Variants in RUNX1 observed in about 807,000 individuals in gnomAD.
RUNX1 encodes RUNX family transcription factor 1, also known as runt-related transcription factor 1.
RUNX1 carries 19 observed loss-of-function variants against 42.8 expected under a neutral mutation model. That is an observed-to-expected ratio of 0.44 (90% CI 0.31 to 0.65). The LOEUF (loss-of-function observed/expected upper bound fraction) is 0.65. Among genes scored for constraint, RUNX1 ranks in the 30% least tolerant of loss-of-function variants. The probability of loss-of-function intolerance (pLI) is 0.07; values close to 1 mark genes in which losing one functional copy is unlikely to be tolerated. For synonymous variants in RUNX1, 271 were observed against 289.4 expected (o/e 0.94, Z 0.64); for missense variants, 528 against 672.0 (o/e 0.79, Z 2.37).
At position 34,901,333 on chromosome 21, in the gene RUNX1, A is replaced by C. The variant is rs1458006043; in HGVS notation, c.59-8370T>G. ...GAGACCAGCCCGGCCAACATGGTGA[A>C]ACCCCGTCTCTACTGAAAATAAAAA... is the stretch of plus-strand genomic sequence containing the variant. On this transcript the variant is annotated intron_variant, in intron 2 of 8. Coordinates refer to ENST00000675419, the MANE Select transcript of RUNX1 (RefSeq NM_001754.5). The surrounding 1 kb of genome is among the most constrained non-coding windows in gnomAD (Gnocchi z 4.3). 6.6e-6 allele frequency among the ~76,000 whole-genome samples: 1 copy of C among 151,884 alleles called. No individual in the cohort carries two copies. The highest frequency in any genetic ancestry group is 1.5e-5 in the Non-Finnish European group (1 of 67,946).
intron 8 of RUNX1, among the ~76,000 whole-genome samples, chr21:34,794,274 C>A (rs1000050733): frequency 1.1e-4 from 17 of 152,042 alleles, no homozygotes; most frequent in African/African-American, 3.9e-4. Context: ...AGGCCTTCGA[C>A]AGTTGAAAAA....
chr21:35,004,653 A>G (rs2059070654), intron 2 of RUNX1, among the ~76,000 whole-genome samples: 1 of 152,170 alleles, frequency 6.6e-6, no homozygotes, highest in Admixed American at 6.5e-5. Context: ...TTGAAGCAGG[A>G]CCTTACCTGA....
In RUNX1 at chr21:35,028,753, A is replaced by G. The variant is rs564494052; in HGVS notation, c.58+20089T>C. Among the ~76,000 whole-genome samples, 69 of 152,360 alleles carry G rather than the reference A, an allele frequency of 4.5e-4. 1 individual carries two copies. The Middle Eastern group carries it at 0.01, about 23-fold the overall frequency. ...CTAACGCAGTGTCATGTCCACATGG[A>G]TCATTCAGTAAATTTACCGATGGCT... On this transcript the variant is annotated intron_variant, in intron 2 of 8. Transcript: ENST00000675419.
intron 2 of RUNX1, among the ~76,000 whole-genome samples, chr21:34,965,737 A>C (rs1037750555): frequency 6.6e-6 from 1 of 152,256 alleles, no homozygotes; most frequent in Non-Finnish European, 1.5e-5. Flanking sequence ...ACACACACAC[A>C]CCCAGGCAGG....
At chr21:34,888,759 T>A in intron 3 of RUNX1, 2 of 918,438 alleles carry the variant, frequency 2.2e-6, no homozygotes, top group Non-Finnish European at 2.6e-6. Flanking sequence ...TTCCCTCAGC[T>A]CGTTTGCATA....
chr21:34,791,101 G>C lies in RUNX1; in HGVS notation c.*1034C>G, dbSNP rs907935123. 11 of 233,540 alleles carry C rather than the reference G, an allele frequency of 4.7e-5. No individual in the cohort carries two copies. The highest frequency in any genetic ancestry group is 8.5e-5 in the Non-Finnish European group (10 of 118,034). The allele number at this position is 233,540 out of a possible 1,614,324, so 14.5% of individuals were successfully genotyped here. On this transcript the variant is annotated 3_prime_UTR_variant, in exon 9 of 9. Coordinates refer to ENST00000675419, the MANE Select transcript of RUNX1 (RefSeq NM_001754.5). ...TCTGATCCTTGGAGTGACCCTCAGT[G>C]TCTAAAAATCCTATTAAAAACGTTG...
At chr21:34,985,688 C>T (rs1408764129) in intron 2 of RUNX1, among the ~76,000 whole-genome samples, 1 of 152,076 alleles carries the variant, frequency 6.6e-6, no homozygotes, top group Non-Finnish European at 1.5e-5. Context: ...CACAGACAGA[C>T]AGGGACTGTT....
chr21:34,811,973 G>C (rs1362166619), intron 7 of RUNX1, among the ~76,000 whole-genome samples: 1 of 151,442 alleles, frequency 6.6e-6, no homozygotes, highest in Non-Finnish European at 1.5e-5. Context: ...CTATACCCCC[G>C]AGAAATGCCC....
At chr21:34,908,452 G>T (rs980257957) in intron 2 of RUNX1, among the ~76,000 whole-genome samples, 1 of 152,140 alleles carries the variant, frequency 6.6e-6, no homozygotes, top group African/African-American at 2.4e-5. Flanking sequence ...ATAAAACATA[G>T]TCTTGGATGA....
intron 2 of RUNX1, among the ~76,000 whole-genome samples, chr21:34,909,050 G>A (rs996815653): frequency 6.6e-6 from 1 of 152,076 alleles, no homozygotes; most frequent in Non-Finnish European, 1.5e-5. Flanking sequence ...ATGCCTTTTA[G>A]TTTTGCACAA....
At chr21:34,869,706 G>T (rs2057711468) in intron 5 of RUNX1, among the ~76,000 whole-genome samples, 1 of 152,178 alleles carries the variant, frequency 6.6e-6, no homozygotes, top group Admixed American at 6.5e-5. Flanking sequence ...GGAACATCCG[G>T]AAGTCCTCAA....
intron 2 of RUNX1, among the ~76,000 whole-genome samples, chr21:34,896,754 G>A (rs1218749600): frequency 6.6e-6 from 1 of 152,134 alleles, no homozygotes; most frequent in Non-Finnish European, 1.5e-5. Flanking sequence ...GGCCACAAAG[G>A]GGCCATGAAA....
intron 2 of RUNX1, among the ~76,000 whole-genome samples, chr21:34,897,450 C>G (rs1162564987): frequency 6.6e-6 from 1 of 152,226 alleles, no homozygotes; most frequent in African/African-American, 2.4e-5. Flanking sequence ...CCTTCCTGTC[C>G]TCATCTTGGA....
chr21:34,984,465 G>A (rs1242012863), intron 2 of RUNX1, among the ~76,000 whole-genome samples: 1 of 152,160 alleles, frequency 6.6e-6, no homozygotes, highest in East Asian at 1.9e-4. Flanking sequence ...CTTATCTGTG[G>A]GGGAGGCCAC....
At chr21:34,981,819 T>C (rs909541686) in intron 2 of RUNX1, among the ~76,000 whole-genome samples, 3 of 152,196 alleles carry the variant, frequency 2.0e-5, no homozygotes, top group African/African-American at 7.2e-5. Flanking sequence ...ACAATGGCTG[T>C]ATCTGTTTCC....
chr21:34,888,198 G>A, intron 3 of RUNX1: 1 of 1,066,656 alleles, frequency 9.4e-7, no homozygotes, highest in African/African-American at 1.6e-5. Flanking sequence ...CCCAGCACCC[G>A]CCGGTTAGCT....
At chr21:34,841,735 C>T (rs1194199128) in intron 6 of RUNX1, among the ~76,000 whole-genome samples, 1 of 152,180 alleles carries the variant, frequency 6.6e-6, no homozygotes, top group Non-Finnish European at 1.5e-5. Context: ...GACCTGATCC[C>T]TCCCACCCTT....
intron 2 of RUNX1, among the ~76,000 whole-genome samples, chr21:34,930,112 A>G (rs1022993080): frequency 6.9e-6 from 1 of 145,642 alleles, no homozygotes; most frequent in Non-Finnish European, 1.5e-5. Context: ...AAATATATAT[A>G]TTTGAATTTA....
intron 2 of RUNX1, among the ~76,000 whole-genome samples, chr21:34,969,419 T>G (rs1271613898): frequency 6.8e-6 from 1 of 147,658 alleles, no homozygotes. Flanking sequence ...ACACAGAAAA[T>G]GGGGATGGGA....
Sources: allele counts gnomAD v4.1 joint callset (sites outside exome capture counted in the v4.1 genomes callset), GRCh38; gene constraint gnomAD v4.1.1; non-coding constraint Gnocchi (gnomAD v3.1); transcripts MANE v1.5; gene names NCBI Gene and HGNC (gene_info 2026-07-23, HGNC 2026-07-21).